Variants in GRIA4 observed in about 807,000 individuals in gnomAD.
GRIA4 encodes glutamate ionotropic receptor AMPA type subunit 4.
A neutral mutation model predicts 104.0 loss-of-function variants in GRIA4; 34 were observed. The ratio of observed to expected loss-of-function variants is 0.33; its 90% confidence interval spans 0.25 to 0.44. The LOEUF is 0.44. GRIA4 is among the 20% of genes least tolerant of loss of function. The pLI is 1.00. For missense variants in GRIA4, 750 were observed against 1,096.5 expected, an observed-to-expected ratio of 0.68 and a Z score of 4.46; for synonymous variants, 386 against 381.9, an observed-to-expected ratio of 1.01 and a Z score of -0.13.
In GRIA4 at chr11:105,624,550, T is replaced by C. The variant is rs80313162; in HGVS notation, c.247+12116T>C. 3.8e-3 allele frequency among the ~76,000 whole-genome samples: 571 copies of C among 152,266 alleles called. 4 individuals are homozygous for C. The highest frequency in any genetic ancestry group is 0.013 in the African/African-American group (530 of 41,568). On this transcript the variant is annotated intron_variant, in intron 3 of 16. Transcript: ENST00000282499. ...TCTATGGTAAATCTCATGAGCAATT[T>C]GTTAGTTTCCATAACCCTTTATTCC...
chr11:105,944,134 A>G (rs1038531242), intron 14 of GRIA4, among the ~76,000 whole-genome samples: 7 of 152,172 alleles, frequency 4.6e-5, no homozygotes, highest in African/African-American at 7.2e-5. Flanking sequence ...TGGAGACAAG[A>G]TATCATTGTA....
intron 4 of GRIA4, among the ~76,000 whole-genome samples, chr11:105,786,784 C>A (rs1050685963): frequency 6.6e-6 from 1 of 152,182 alleles, no homozygotes; most frequent in Non-Finnish European, 1.5e-5. Context: ...ATTTACAAAA[C>A]AGTGGTTTTA....
At chr11:105,712,459 T>A (rs1490163854) in intron 3 of GRIA4, among the ~76,000 whole-genome samples, 1 of 152,022 alleles carries the variant, frequency 6.6e-6, no homozygotes, top group East Asian at 1.9e-4. Context: ...CTTTACTAAT[T>A]TTTTATCTTA....
intron 3 of GRIA4, among the ~76,000 whole-genome samples, chr11:105,741,377 G>T (rs1325721950): frequency 1.3e-5 from 2 of 152,166 alleles, no homozygotes. Context: ...GGGACAATAT[G>T]AAAATATTAA....
At chr11:105,743,103 A>G (rs1046809592) in intron 3 of GRIA4, among the ~76,000 whole-genome samples, 2 of 152,048 alleles carry the variant, frequency 1.3e-5, no homozygotes, top group Non-Finnish European at 2.9e-5. Context: ...TTTTTGTTCA[A>G]GCAGTTGGTG....
At chr11:105,642,570 C>T (rs374655836) in intron 3 of GRIA4, among the ~76,000 whole-genome samples, 11 of 137,772 alleles carry the variant, frequency 8.0e-5, no homozygotes, top group African/African-American at 1.4e-4. Context: ...AAAAGGCTGT[C>T]GCCAGCACCT....
intron 3 of GRIA4, among the ~76,000 whole-genome samples, chr11:105,708,854 T>G (rs1471483615): frequency 1.3e-5 from 2 of 151,934 alleles, no homozygotes; most frequent in Admixed American, 6.6e-5. Flanking sequence ...ATAGACTTAA[T>G]ATTAATATTT....
At chr11:105,753,337 A>G (rs1326341420) in intron 4 of GRIA4, 117 bp downstream of exon 4, 2 of 893,200 alleles carry the variant, frequency 2.2e-6, no homozygotes, top group Non-Finnish European at 3.5e-6. Context: ...AAATCAGAAA[A>G]TGGTTGATGT....
intron 4 of GRIA4, among the ~76,000 whole-genome samples, chr11:105,834,227 C>T (rs1187592629): frequency 1.3e-5 from 2 of 152,016 alleles, no homozygotes; most frequent in African/African-American, 4.8e-5. Flanking sequence ...GAAGATATCC[C>T]TACTCCATAT....
intron 14 of GRIA4, among the ~76,000 whole-genome samples, chr11:105,968,606 A>G (rs1453072820): frequency 6.6e-6 from 1 of 152,220 alleles, no homozygotes; most frequent in East Asian, 1.9e-4. Flanking sequence ...CTTACACGAA[A>G]TAAATTAAAG....
intron 3 of GRIA4, among the ~76,000 whole-genome samples, chr11:105,750,701 T>G (rs747563769): frequency 1.1e-4 from 17 of 152,146 alleles, no homozygotes; most frequent in Non-Finnish European, 2.4e-4. Context: ...ACTTTATGTA[T>G]AGTACAATTG....
chr11:105,663,273 T>C (rs1242427067), intron 3 of GRIA4, among the ~76,000 whole-genome samples: 1 of 151,944 alleles, frequency 6.6e-6, no homozygotes, highest in Non-Finnish European at 1.5e-5. Context: ...AAATTAATTA[T>C]AAAGCTCACA....
At chr11:105,890,110 C>A (rs1156738683) in intron 6 of GRIA4, among the ~76,000 whole-genome samples, 1 of 152,092 alleles carries the variant, frequency 6.6e-6, no homozygotes, top group African/African-American at 2.4e-5. Flanking sequence ...TGAAGTCCAA[C>A]TCATATTTAC....
At chr11:105,797,947 T>G in intron 4 of GRIA4, 1 of 386,788 alleles carries the variant, frequency 2.6e-6, no homozygotes, top group South Asian at 1.9e-5. Context: ...AAGTTTGAAT[T>G]CTGCCTCATC....
At chr11:105,933,268 A>G (rs1274943909) in intron 13 of GRIA4, among the ~76,000 whole-genome samples, 1 of 152,112 alleles carries the variant, frequency 6.6e-6, no homozygotes, top group East Asian at 1.9e-4. Context: ...AAAATAAAAT[A>G]AAACAACCCT....
intron 4 of GRIA4, among the ~76,000 whole-genome samples, chr11:105,780,948 CAT>C (rs1321405457): frequency 6.6e-6 from 1 of 152,074 alleles, no homozygotes; most frequent in Non-Finnish European, 1.5e-5. Context: ...CACACACACA[CAT>C]ATCACAACTG....
At chr11:105,820,717 T>C (rs1943545885) in intron 4 of GRIA4, among the ~76,000 whole-genome samples, 1 of 152,124 alleles carries the variant, frequency 6.6e-6, no homozygotes, top group South Asian at 2.1e-4. Context: ...TGTAGGTGAT[T>C]CATAGTCTAT....
At chr11:105,960,355 G>C (rs1948707306) in intron 14 of GRIA4, among the ~76,000 whole-genome samples, 1 of 152,206 alleles carries the variant, frequency 6.6e-6, no homozygotes, top group Non-Finnish European at 1.5e-5. Flanking sequence ...CACTGAGGAA[G>C]AATGGGTCAC....
chr11:105,870,304 T>C (rs1170177136), intron 5 of GRIA4, among the ~76,000 whole-genome samples: 1 of 151,702 alleles, frequency 6.6e-6, no homozygotes, highest in East Asian at 1.9e-4. Flanking sequence ...TATTGTGCAG[T>C]AACACAAGAG....
Sources: gnomAD v4.1 joint callset for allele counts (sites outside exome capture counted in the v4.1 genomes callset) on GRCh38, gnomAD v4.1.1 for gene constraint, MANE v1.5 for transcripts, NCBI Gene and HGNC (gene_info 2026-07-23, HGNC 2026-07-21) for gene names.